Variants in CGN observed in about 807,000 individuals in gnomAD.
CGN encodes cingulin.
In CGN, 121 loss-of-function variants were observed where a neutral mutation model predicts 157.1. That is an observed-to-expected ratio of 0.77 (90% CI 0.66 to 0.90). The LOEUF (loss-of-function observed/expected upper bound fraction) is 0.90. CGN is among the 40% of genes least tolerant of loss of function. CGN has a pLI of 0.00. For missense variants in CGN, 1,424 were observed against 1,520.9 expected (o/e 0.94, Z 1.06); for synonymous variants, 535 against 607.5 (o/e 0.88, Z 1.76).
intron 1 of CGN, among the ~76,000 whole-genome samples, chr1:151,516,821 C>A (rs571056404): frequency 6.1e-4 from 92 of 150,732 alleles, no homozygotes; most frequent in Admixed American, 5.1e-3. Flanking sequence ...GGATTACAGG[C>A]GTGAGCCACC....
chr1:151,524,380 C>T lies in CGN; in HGVS notation c.1401+22C>T, dbSNP rs377247717. ...GAAGGTAGGGTCTGGGGTCATATGC[C>T]CCAGCCTCTGCTTTTTCTCAGTTGG... is the stretch of plus-strand genomic sequence containing the variant. On this transcript the variant is annotated intron_variant, in intron 7 of 20. Coordinates refer to ENST00000271636, the MANE Select transcript of CGN (RefSeq NM_020770.3). This position sits in a 1 kb window ranked among gnomAD's most constrained non-coding sequence, Gnocchi z 4.4. 3.4e-5 allele frequency: 55 copies of T among 1,609,962 alleles called. No individual in the cohort carries two copies. The highest frequency in any genetic ancestry group is 8.4e-5 in the Admixed American group (5 of 59,252).
At chr1:151,520,036 C>T (rs1412061583) in intron 2 of CGN, 130 bp from the exon 3 acceptor site, 5 of 692,920 alleles carry the variant, frequency 7.2e-6, no homozygotes, top group South Asian at 5.9e-5. Context: ...CAGGATTGTT[C>T]ATCATGCTTG....
rs760446063 is a variant in CGN, at chr1:151,520,130, CTTTCTTTTTTTTTTCTT to C, written c.874-22_874-6del. ...GCCTAATCTTCCTATTTCTTTCTTTCTTTCTTTTTTTTTTCTTTTTCTTTTTTTTTAACAGTTCAAAT... is the reference window on the plus strand; with the variant it reads ...GCCTAATCTTCCTATTTCTTTCTTTCTTTCTTTTTTTTTAACAGTTCAAAT... On this transcript the variant is annotated intron_variant, in intron 2 of 20. Coordinates refer to ENST00000271636, the MANE Select transcript of CGN (RefSeq NM_020770.3). 1.7e-5 allele frequency: 26 copies of C among 1,519,906 alleles called. No individual in the cohort carries two copies. Among genetic ancestry groups the C allele is most frequent in the African/African-American group, 9.9e-5 (7 of 70,936 alleles). 94.2% of individuals were successfully genotyped at this position (1,519,906 alleles called of 1,614,324 possible).
At chr1:151,512,395 A>G (rs11802310) in intron 1 of CGN, among the ~76,000 whole-genome samples, 3,296 of 152,224 alleles carry the variant, frequency 0.022, 128 homozygotes, top group African/African-American at 0.076. Flanking sequence ...GAGCCCAACC[A>G]ATTTCCTTGA....
At position 151,536,746 on chromosome 1, in the gene CGN, A is replaced by T. The variant is rs1271757011; in HGVS notation, c.3323A>T (p.Lys1108Met). The T allele has an allele frequency of 6.2e-7, 1 of 1,613,984 alleles. No individual in the cohort carries two copies. The highest frequency in any genetic ancestry group is 1.3e-5 in the African/African-American group (1 of 74,908). The change falls in exon 20 of 21, where the codon AAG (lysine) becomes ATG (methionine). Residue 1108 changes from lysine (K) to methionine (M), a missense_variant. Coordinates refer to ENST00000271636, the MANE Select transcript of CGN (RefSeq NM_020770.3). The part of the protein sequence containing the change: ...DQKDQLSLRV[K>M]ALKRQVDEAE... ...CCTGCCCAGCTAAGCCTGAGGGTGA[A>T]GGCTTTGAAGCGTCAGGTGGATGAA...
intron 13 of CGN, among the ~76,000 whole-genome samples, chr1:151,531,357 A>G (rs1480316529): frequency 6.6e-6 from 1 of 152,332 alleles, no homozygotes; most frequent in Admixed American, 6.5e-5. Context: ...AGAATCTTCA[A>G]TGGCCAGCTT....
intron 5 of CGN, among the ~76,000 whole-genome samples, chr1:151,521,269 A>G (rs1282766664): frequency 6.6e-6 from 1 of 152,122 alleles, no homozygotes; most frequent in Non-Finnish European, 1.5e-5. Flanking sequence ...GCCTTTCATC[A>G]TATTGGTTTG....
chr1:151,518,984 C>T lies in CGN; in HGVS notation c.465C>T (p.Ser155=), dbSNP rs1445798642. The change falls in exon 2 of 21, where the codon AGC becomes AGT. Residue 155 remains serine, a synonymous_variant. Coordinates refer to ENST00000271636, the MANE Select transcript of CGN (RefSeq NM_020770.3). ...GPVDPSNRSN[S]MLELAPKVAS... ...TGGATCCTAGTAACAGAAGCAACAG[C>T]ATGCTGGAGCTAGCCCCGAAAGTGG... The T allele has an allele frequency of 6.2e-7, 1 of 1,614,224 alleles. No homozygotes were observed. Among genetic ancestry groups the T allele is most frequent in the South Asian group, 1.1e-5 (1 of 91,086 alleles).
intron 14 of CGN, 38 bp downstream of exon 14, chr1:151,532,610 C>CTATTT: frequency 1.9e-6 from 2 of 1,066,686 alleles, no homozygotes; most frequent in Non-Finnish European, 2.5e-6. Flanking sequence ...AGGTCCTTGC[C>CTATTT]TCTTTTTTTT....
rs1664862679 is a variant in CGN, at chr1:151,532,535, AGAAGACCTCTG to A, written c.2708_2718del (p.Lys903ArgfsTer8). The A allele has an allele frequency of 4.4e-6, 7 of 1,587,954 alleles. No individual in the cohort carries two copies. Among genetic ancestry groups the A allele is most frequent in the Non-Finnish European group, 6.0e-6 (7 of 1,168,192 alleles). On this transcript the variant is annotated frameshift_variant, in exon 14 of 21. Transcript: ENST00000271636. LOFTEE classifies it high-confidence loss of function. ...GCCAAGGATTGGGCCAGTGAGGCTGAGAAGACCTCTGGAGGACTGAGCCGACTTCAGGATGA... is the reference window on the plus strand; with the variant it reads ...GCCAAGGATTGGGCCAGTGAGGCTGAGAGGACTGAGCCGACTTCAGGATGA...
chr1:151,521,901 TG>T (rs536993053), intron 5 of CGN, among the ~76,000 whole-genome samples: 1 of 152,074 alleles, frequency 6.6e-6, no homozygotes, highest in Non-Finnish European at 1.5e-5. Flanking sequence ...ACAGGGTAAT[TG>T]TGGCTCTGAG....
intron 5 of CGN, among the ~76,000 whole-genome samples, chr1:151,522,574 C>T (rs1325375642): frequency 2.0e-5 from 3 of 150,818 alleles, no homozygotes; most frequent in Admixed American, 1.3e-4. Context: ...TGCCATGAGC[C>T]GAGATTGCGC....
intron 11 of CGN, 144 bp from the exon 12 acceptor site, chr1:151,529,765 C>A: frequency 1.2e-6 from 1 of 829,642 alleles, no homozygotes; most frequent in Non-Finnish European, 1.9e-6. Flanking sequence ...AAGCGTCTGG[C>A]TGGTGGCAGC....
intron 19 of CGN, 113 bp from the exon 20 acceptor site, chr1:151,536,617 C>A: frequency 9.1e-7 from 1 of 1,097,542 alleles, no homozygotes; most frequent in Non-Finnish European, 1.3e-6. Context: ...GGAACTTGCC[C>A]AAGGCCACAT....
chr1:151,530,754 A>G lies in CGN; in HGVS notation c.2571+8A>G, dbSNP rs574671342. ...GACCGACTGAACAAGGAGGTGGGGC[A>G]TGGGGTATTCTGGGCCTTTAGGAAG... is the stretch of plus-strand genomic sequence containing the variant. On this transcript the variant is annotated splice_region_variant and intron_variant, in intron 13 of 20. Coordinates refer to ENST00000271636, the MANE Select transcript of CGN (RefSeq NM_020770.3). 104 of 1,551,426 alleles carry G rather than the reference A, an allele frequency of 6.7e-5. No individual in the cohort carries two copies. The East Asian group carries it at 2.0e-3, about 30-fold the overall frequency.
chr1:151,537,421 G>A lies in CGN; in HGVS notation c.*75G>A. Reference sequence around the variant, plus strand: ...AGTGCTGCTCTGCTCTGCCCACCCTGGGTTCTGCATTCCTATGGGTGACCC... The same window carrying A: ...AGTGCTGCTCTGCTCTGCCCACCCTAGGTTCTGCATTCCTATGGGTGACCC... On this transcript the variant is annotated 3_prime_UTR_variant, in exon 21 of 21. Coordinates refer to ENST00000271636, the MANE Select transcript of CGN (RefSeq NM_020770.3). 2 of 1,402,346 alleles carry A rather than the reference G, an allele frequency of 1.4e-6. No homozygotes were observed. Among genetic ancestry groups the A allele is most frequent in the Non-Finnish European group, 2.0e-6 (2 of 1,021,102 alleles). The allele number at this position is 1,402,346 out of a possible 1,614,324, so 86.9% of individuals were successfully genotyped here.
In CGN at chr1:151,520,576, A is replaced by AC. The variant is rs773756666; in HGVS notation, c.1045-14dup. 6 of 1,613,092 alleles carry AC rather than the reference A, an allele frequency of 3.7e-6. No individual in the cohort carries two copies. Among genetic ancestry groups the AC allele is most frequent in the Non-Finnish European group, 4.2e-6 (5 of 1,179,644 alleles). On this transcript the variant is annotated intron_variant, in intron 4 of 20. Coordinates refer to ENST00000271636, the MANE Select transcript of CGN (RefSeq NM_020770.3). The stretch of plus-strand genomic sequence containing the variant: ...ACTTGGACTCACTCCCTTCCCCCAC[A>AC]CCCCCCATATCTCTGGCAGATGGTT...
In CGN at chr1:151,524,112, C is replaced by T; in HGVS notation, c.1269-114C>T. The T allele has an allele frequency of 2.9e-6, 3 of 1,045,866 alleles. No homozygotes were observed. Among genetic ancestry groups the T allele is most frequent in the Non-Finnish European group, 4.1e-6 (3 of 726,116 alleles). 64.8% of individuals were successfully genotyped at this position (1,045,866 alleles called of 1,614,324 possible). On this transcript the variant is annotated intron_variant, in intron 6 of 20. Transcript: ENST00000271636. The surrounding 1 kb of genome is among the most constrained non-coding windows in gnomAD (Gnocchi z 4.4). ...AGGTTGCAAAAATCAGGGGAGGCCT[C>T]ATCAAGATTTGAAGGAAGGAAGTTT...
At chr1:151,525,198 G>C (rs1433202096) in intron 8 of CGN, among the ~76,000 whole-genome samples, 2 of 152,122 alleles carry the variant, frequency 1.3e-5, no homozygotes, top group Non-Finnish European at 2.9e-5. Context: ...GGAAGTTAGA[G>C]ACCAGCCTGG....
Sources: allele counts gnomAD v4.1 joint callset (sites outside exome capture counted in the v4.1 genomes callset), GRCh38; gene constraint gnomAD v4.1.1; non-coding constraint Gnocchi (gnomAD v3.1); transcripts MANE v1.5; gene names NCBI Gene and HGNC (gene_info 2026-07-23, HGNC 2026-07-21).